Variants in FSAF1 observed in about 807,000 individuals in gnomAD.
The protein encoded by FSAF1 is uncharacterized protein C1orf131.
chr1:231,226,022 A>C, the FSAF1 span: 3 of 152,874 alleles, frequency 2.0e-5, no homozygotes, highest in Non-Finnish European at 4.4e-5. Context: ...AAAAAAAAAA[A>C]AAACCTAAGT....
chr1:231,227,165 T>C, the FSAF1 span: 4 of 1,281,500 alleles, frequency 3.1e-6, no homozygotes, highest in South Asian at 4.9e-5. Context: ...TCCACCGCTC[T>C]GTAATGACAG....
At chr1:231,235,875 G>A in the FSAF1 span, among the ~76,000 whole-genome samples, 6 of 152,186 alleles carry the variant, frequency 3.9e-5, no homozygotes, top group African/African-American at 7.2e-5. Flanking sequence ...TTCAATGCAC[G>A]ATGCAGCTTA....
At chr1:231,228,721 T>G in the FSAF1 span, among the ~76,000 whole-genome samples, 1 of 152,182 alleles carries the variant, frequency 6.6e-6, no homozygotes, top group South Asian at 2.1e-4. Flanking sequence ...GTGCAGTGGC[T>G]CACACCTGTA....
At chr1:231,226,139 G>A in the FSAF1 span, among the ~76,000 whole-genome samples, 5 of 151,996 alleles carry the variant, frequency 3.3e-5, no homozygotes, top group African/African-American at 7.3e-5. Flanking sequence ...CATTAGAGAC[G>A]GGACCTAGTG....
At chr1:231,229,295 C>A in the FSAF1 span, 3 of 923,196 alleles carry the variant, frequency 3.2e-6, no homozygotes, top group South Asian at 5.7e-5. Flanking sequence ...TTTTAAGGAA[C>A]CTGAAAGTGA....
the FSAF1 span, chr1:231,238,880 G>GC: frequency 6.2e-7 from 1 of 1,613,086 alleles, no homozygotes; most frequent in Admixed American, 1.7e-5. Context: ...TTATGATCTG[G>GC]CGTCAATTTT....
chr1:231,241,019 C>G, the FSAF1 span: 1 of 1,612,706 alleles, frequency 6.2e-7, no homozygotes, highest in Non-Finnish European at 8.5e-7. Context: ...GGACCCCGCA[C>G]TCACCAAAGT....
At chr1:231,240,862 G>C in the FSAF1 span, among the ~76,000 whole-genome samples, 3 of 152,210 alleles carry the variant, frequency 2.0e-5, no homozygotes, top group Non-Finnish European at 4.4e-5. The surrounding 1 kb of genome is among the most constrained non-coding windows in gnomAD (Gnocchi z 4.1). Context: ...GGTGACTTCC[G>C]ATGGAGAAAT....
the FSAF1 span, chr1:231,238,322 T>C: frequency 6.6e-6 from 1 of 152,360 alleles, no homozygotes; most frequent in Admixed American, 6.5e-5. Context: ...GCATTGCTTT[T>C]CCTCGAGAGC....
At chr1:231,231,751 A>G in the FSAF1 span, among the ~76,000 whole-genome samples, 1 of 152,176 alleles carries the variant, frequency 6.6e-6, no homozygotes, top group Non-Finnish European at 1.5e-5. Flanking sequence ...CCGGCCTACA[A>G]AAGAAAGGAG....
chr1:231,231,210 G>A, the FSAF1 span, among the ~76,000 whole-genome samples: 3 of 152,132 alleles, frequency 2.0e-5, no homozygotes, highest in Non-Finnish European at 2.9e-5. Flanking sequence ...CTCTGTGTGC[G>A]CCACTTCCAT....
chr1:231,238,943 T>C, the FSAF1 span: 1 of 1,613,996 alleles, frequency 6.2e-7, no homozygotes, highest in Non-Finnish European at 8.5e-7. Context: ...CTATTGTTCT[T>C]TAGGGAAGAG....
At chr1:231,232,820 G>T in the FSAF1 span, among the ~76,000 whole-genome samples, 1 of 152,150 alleles carries the variant, frequency 6.6e-6, no homozygotes, top group South Asian at 2.1e-4. Flanking sequence ...TCTCTTACGC[G>T]GCTTAGATTT....
chr1:231,233,157 C>A, the FSAF1 span, among the ~76,000 whole-genome samples: 1 of 152,138 alleles, frequency 6.6e-6, no homozygotes, highest in African/African-American at 2.4e-5. Context: ...ATTTGGGGAA[C>A]GATCAAAGCT....
chr1:231,240,542 A>C, the FSAF1 span, among the ~76,000 whole-genome samples: 2 of 152,172 alleles, frequency 1.3e-5, no homozygotes, highest in Non-Finnish European at 2.9e-5. This position sits in a 1 kb window ranked among gnomAD's most constrained non-coding sequence, Gnocchi z 4.1. Flanking sequence ...GTTTAAAAAA[A>C]AAAAAGTCGT....
chr1:231,239,191 G>C, the FSAF1 span: 4 of 1,543,660 alleles, frequency 2.6e-6, no homozygotes, highest in African/African-American at 1.4e-5. Flanking sequence ...TGTACCTCCT[G>C]TTTGTTCAAA....
chr1:231,225,695 T>A, the FSAF1 span: 5 of 652,054 alleles, frequency 7.7e-6, no homozygotes, highest in African/African-American at 7.3e-5. Flanking sequence ...CTTTCAAGAA[T>A]GTGAAAGGCT....
the FSAF1 span, among the ~76,000 whole-genome samples, chr1:231,239,651 T>C: frequency 6.6e-6 from 1 of 152,260 alleles, no homozygotes; most frequent in African/African-American, 2.4e-5. Flanking sequence ...TTGTTTTCTA[T>C]TAATTCCTCT....
At chr1:231,236,633 A>C in the FSAF1 span, 3 of 152,228 alleles carry the variant, frequency 2.0e-5, no homozygotes, top group Admixed American at 1.3e-4. Context: ...TTTCCATTCC[A>C]GAAAAAAGAA....
Sources: gnomAD v4.1 joint callset for allele counts (sites outside exome capture counted in the v4.1 genomes callset) on GRCh38, gnomAD v4.1.1 for gene constraint, Gnocchi (gnomAD v3.1) non-coding constraint, MANE v1.5 for transcripts, NCBI Gene and HGNC (gene_info 2026-07-23, HGNC 2026-07-21) for gene names.